TPP2: variants seen among roughly 807,000 people sequenced by gnomAD.
TPP2 encodes the protein tripeptidyl peptidase 2, also known as tripeptidyl-peptidase 2.
Under a neutral mutation model 155.9 loss-of-function variants are expected in TPP2, and 34 were observed. The ratio of observed to expected loss-of-function variants is 0.22; its 90% CI spans 0.17 to 0.29. The LOEUF is 0.29. Ranked by LOEUF, TPP2 falls within the 10% of genes least tolerant of loss-of-function variation. The pLI is 1.00. For missense variants in TPP2, 1,028 were observed against 1,522.3 expected (o/e 0.68, Z 5.40); for synonymous variants, 510 against 529.4 (o/e 0.96, Z 0.50).
At chr13:102,625,898 A>C (rs920938845) in intron 6 of TPP2, among the ~76,000 whole-genome samples, 2 of 152,194 alleles carry the variant, frequency 1.3e-5, no homozygotes, top group African/African-American at 2.4e-5. Flanking sequence ...GACTAGTGGG[A>C]TATTTCTCTA....
At chr13:102,645,121 A>G (rs1883020307) in intron 19 of TPP2, 112 bp downstream of exon 19, 1 of 993,046 alleles carries the variant, frequency 1.0e-6, no homozygotes, top group African/African-American at 1.6e-5. Flanking sequence ...GCTAGAGGTG[A>G]GAATTTTATC....
intron 2 of TPP2, among the ~76,000 whole-genome samples, chr13:102,606,667 G>A (rs182369609): frequency 1.3e-5 from 2 of 152,240 alleles, no homozygotes; most frequent in South Asian, 2.1e-4. Flanking sequence ...CCTTAATTGC[G>A]TCTGCAAAAT....
chr13:102,676,481 G>A (rs753015841), intron 29 of TPP2, 66 bp downstream of exon 29: 10 of 1,571,348 alleles, frequency 6.4e-6, no homozygotes, highest in Non-Finnish European at 8.7e-6. Flanking sequence ...AAGATAACTA[G>A]AAAGGATTAG....
intron 8 of TPP2, among the ~76,000 whole-genome samples, chr13:102,629,065 C>G (rs1811379143): frequency 6.6e-6 from 1 of 152,148 alleles, no homozygotes; most frequent in African/African-American, 2.4e-5. Context: ...CTCTTAAGTT[C>G]TTCCTAGTGC....
intron 2 of TPP2, among the ~76,000 whole-genome samples, chr13:102,608,473 A>G (rs1041799542): frequency 1.3e-5 from 2 of 151,448 alleles, no homozygotes; most frequent in Non-Finnish European, 2.9e-5. Flanking sequence ...TCTTGACTTG[A>G]TCCTCCAATT....
At chr13:102,666,118 T>C (rs979763875) in intron 27 of TPP2, among the ~76,000 whole-genome samples, 2 of 152,212 alleles carry the variant, frequency 1.3e-5, no homozygotes, top group African/African-American at 2.4e-5. Flanking sequence ...TACATTGTTT[T>C]ATTTAAATTT....
intron 25 of TPP2, among the ~76,000 whole-genome samples, chr13:102,657,658 T>C (rs1404033674): frequency 6.6e-6 from 1 of 152,194 alleles, no homozygotes; most frequent in Non-Finnish European, 1.5e-5. Flanking sequence ...TATGGTTCTA[T>C]GGATGCAACA....
Position 102,648,982 on chromosome 13 carries a change from C to T in TPP2, c.2704C>T (p.Arg902Cys). Reference sequence around the variant, plus strand: ...CCATGAGCAAATCAGTGATTTGGAACGCCTTAAAGACCTTCCATTTATTGT... The same window carrying T: ...CCATGAGCAAATCAGTGATTTGGAATGCCTTAAAGACCTTCCATTTATTGT... ...IRHEQISDLE[R>C]LKDLPFIVSH... The change falls in exon 22 of 30, where the codon CGC becomes TGC. Residue 902 changes from arginine (R) to cysteine (C), a missense_variant. By Grantham distance (180) the Arg-to-Cys change is radical. Around this residue, in one of 7 missense-constraint regions of TPP2, gnomAD observed 179 missense variants for 274.7 expected, o/e 0.65. Transcript: ENST00000376052. 3 of 1,613,594 alleles carry T rather than the reference C, an allele frequency of 1.9e-6. No homozygotes were observed. Among genetic ancestry groups the T allele is most frequent in the Non-Finnish European group, 1.7e-6 (2 of 1,179,836 alleles).
chr13:102,642,449 TATC>T lies in TPP2; in HGVS notation c.2021-771_2021-769del, dbSNP rs1448158220. ...ATAATTTGTTTTTTTAAATAAAAAT[TATC>T]AAATGATCTAGAATGCAAGTAGTTA... On this transcript the variant is annotated intron_variant, in intron 16 of 29. Transcript: ENST00000376052. Among the ~76,000 whole-genome samples the T allele has an allele frequency of 2.0e-5, 3 of 152,260 alleles. No homozygotes were observed. The East Asian group carries it at 5.8e-4, about 29-fold the overall frequency.
At chr13:102,640,155 T>C in intron 15 of TPP2, 115 bp from the exon 16 acceptor site, 1 of 814,018 alleles carries the variant, frequency 1.2e-6, no homozygotes. Context: ...AACCAGCTTC[T>C]AAGTCCCTGT....
chr13:102,668,069 A>G (rs984520736), intron 27 of TPP2, among the ~76,000 whole-genome samples: 4 of 152,236 alleles, frequency 2.6e-5, no homozygotes, highest in Non-Finnish European at 5.9e-5. Flanking sequence ...CTGCACATGA[A>G]TGATCAAAGG....
rs142853154 is a variant in TPP2 at position 102,634,462 on chromosome 13, C to A, written c.1393+364C>A. Among the ~76,000 whole-genome samples, 304 of 152,090 alleles carry A rather than the reference C, an allele frequency of 2.0e-3. 3 individuals carry two copies. Among genetic ancestry groups the A allele is most frequent in the African/African-American group, 7.0e-3 (291 of 41,482 alleles). Reference sequence around the variant, plus strand: ...GTTGCATGTTAGAGGTTAATGGATGCCGTGAGCAAAATGAGGTAGAAAGAG... The same window carrying A: ...GTTGCATGTTAGAGGTTAATGGATGACGTGAGCAAAATGAGGTAGAAAGAG... On this transcript the variant is annotated intron_variant, in intron 11 of 29. Transcript: ENST00000376052.
At chr13:102,644,174 C>T (rs950904758) in intron 17 of TPP2, among the ~76,000 whole-genome samples, 1 of 152,044 alleles carries the variant, frequency 6.6e-6, no homozygotes, top group Non-Finnish European at 1.5e-5. Context: ...TCAATTGTGC[C>T]TATTGAGTAT....
At chr13:102,659,279 C>T (rs1364652660) in intron 25 of TPP2, among the ~76,000 whole-genome samples, 7 of 152,106 alleles carry the variant, frequency 4.6e-5, no homozygotes, top group Non-Finnish European at 8.8e-5. Context: ...ACCAGGAGAA[C>T]AGAGAGAAAG....
At chr13:102,617,205 T>C (rs534084076) in intron 4 of TPP2, among the ~76,000 whole-genome samples, 8 of 152,220 alleles carry the variant, frequency 5.3e-5, no homozygotes, top group South Asian at 4.1e-4. Context: ...TGAGCCACCG[T>C]GCCCGGCCTA....
rs201172409 is a variant in TPP2, at chr13:102,632,401, C to T, written c.1245-1549C>T. Among the ~76,000 whole-genome samples the T allele has an allele frequency of 1.5e-3, 229 of 151,888 alleles. 2 individuals are homozygous for T. The highest frequency in any genetic ancestry group is 0.012 in the East Asian group (59 of 5,128). ...GAATTACAGGCGCTCACCACCACAC[C>T]GGGTTAATTTTTGTATTTTTAGTAG... is the stretch of plus-strand genomic sequence containing the variant. On this transcript the variant is annotated intron_variant, in intron 10 of 29. Coordinates refer to ENST00000376052, the MANE Select transcript of TPP2 (RefSeq NM_001330588.2).
At chr13:102,675,981 C>G (rs1458093429) in intron 28 of TPP2, among the ~76,000 whole-genome samples, 3 of 152,042 alleles carry the variant, frequency 2.0e-5, no homozygotes, top group African/African-American at 7.2e-5. Context: ...TTATTTCTAT[C>G]CTGATTTGCA....
rs144516251 is a variant in TPP2, at chr13:102,632,787, A to G, written c.1245-1163A>G. Among the ~76,000 whole-genome samples the G allele has an allele frequency of 4.7e-3, 723 of 152,334 alleles. 2 individuals are homozygous for G. The highest frequency in any genetic ancestry group is 6.8e-3 in the Middle Eastern group (2 of 294). On this transcript the variant is annotated intron_variant, in intron 10 of 29. Transcript: ENST00000376052. Reference sequence around the variant, plus strand: ...TGTGATATGTGCAGGTGACATATTGATGAACATCCTTTTAGTCATTCTTCC... The same window carrying G: ...TGTGATATGTGCAGGTGACATATTGGTGAACATCCTTTTAGTCATTCTTCC...
At chr13:102,654,953 G>T (rs766651719) in intron 24 of TPP2, 4 of 500,304 alleles carry the variant, frequency 8.0e-6, no homozygotes, top group South Asian at 4.4e-5. Flanking sequence ...GCTGGGTCCT[G>T]AAAGAGCTAG....
Sources: gnomAD v4.1 joint callset for allele counts (sites outside exome capture counted in the v4.1 genomes callset) on GRCh38, gnomAD v4.1.1 for gene constraint, gnomAD v4.1.1 regional missense constraint, MANE v1.5 for transcripts, NCBI Gene and HGNC (gene_info 2026-07-23, HGNC 2026-07-21) for gene names.